Variants in PAM observed in about 807,000 individuals in gnomAD.
PAM encodes peptidylglycine alpha-amidating monooxygenase.
A neutral mutation model predicts 122.1 loss-of-function variants in PAM; 72 were observed. The ratio of observed to expected loss-of-function variants is 0.59; its 90% confidence interval spans 0.49 to 0.72. The LOEUF (loss-of-function observed/expected upper bound fraction) is 0.72. Among genes scored for constraint, PAM ranks in the 30% least tolerant of loss-of-function variants. The probability of loss-of-function intolerance (pLI) is 0.00; values close to 1 mark genes in which losing one functional copy is unlikely to be tolerated. For missense variants in PAM, 1,106 were observed against 1,183.7 expected (o/e 0.93, Z 0.96); for synonymous variants, 389 against 404.4 (o/e 0.96, Z 0.46).
chr5:102,884,800 G>A (rs1792435147), intron 3 of PAM, among the ~76,000 whole-genome samples: 3 of 151,872 alleles, frequency 2.0e-5, no homozygotes, highest in Non-Finnish European at 4.4e-5. Context: ...CGAATCTGAT[G>A]TACACATTAG....
intron 1 of PAM, among the ~76,000 whole-genome samples, chr5:102,821,975 A>G (rs960856312): frequency 2.0e-5 from 3 of 152,222 alleles, no homozygotes; most frequent in Non-Finnish European, 4.4e-5. Context: ...AGTTATACAT[A>G]CATTTAAGAA....
At chr5:102,861,384 A>G (rs1466896797) in intron 1 of PAM, among the ~76,000 whole-genome samples, 1 of 152,260 alleles carries the variant, frequency 6.6e-6, no homozygotes. Flanking sequence ...TACTCCTGCC[A>G]AAGATACATA....
At chr5:102,809,352 CA>C (rs11302898) in intron 1 of PAM, among the ~76,000 whole-genome samples, 84,464 of 126,132 alleles carry the variant, frequency 0.67, 26,085 homozygotes, top group South Asian at 0.8. Context: ...CTGTCTCTAC[CA>C]AAAAAAAAAA....
At chr5:102,860,714 T>C (rs888650578) in intron 1 of PAM, among the ~76,000 whole-genome samples, 1 of 151,658 alleles carries the variant, frequency 6.6e-6, no homozygotes, top group African/African-American at 2.4e-5. Flanking sequence ...AAATAACCGC[T>C]TCACCAAAAC....
intron 1 of PAM, among the ~76,000 whole-genome samples, chr5:102,839,171 C>G (rs1013074464): frequency 6.6e-6 from 1 of 152,134 alleles, no homozygotes; most frequent in African/African-American, 2.4e-5. Flanking sequence ...TTCATTTACT[C>G]TCTATCAAAA....
chr5:102,967,128 G>T (rs1481493570), intron 14 of PAM, among the ~76,000 whole-genome samples: 1 of 151,954 alleles, frequency 6.6e-6, no homozygotes, highest in Non-Finnish European at 1.5e-5. Flanking sequence ...TTCCATGCTG[G>T]GAGCAGGGAA....
intron 1 of PAM, among the ~76,000 whole-genome samples, chr5:102,758,068 A>ATTTTTTTTTTT (rs1751039527): frequency 1.1e-5 from 1 of 87,608 alleles, no homozygotes; most frequent in Non-Finnish European, 2.2e-5. Context: ...AAGACTTAGA[A>ATTTTTTTTTTT]TTTTGTTTTT....
chr5:102,934,022 C>G (rs1385067953), intron 7 of PAM, among the ~76,000 whole-genome samples: 1 of 152,194 alleles, frequency 6.6e-6, no homozygotes. Context: ...CAGTGAGATA[C>G]ATTAATCCTG....
intron 3 of PAM, among the ~76,000 whole-genome samples, chr5:102,875,192 T>TATG (rs754943169): frequency 8.4e-6 from 1 of 119,274 alleles, no homozygotes; most frequent in Non-Finnish European, 1.5e-5. Context: ...TTATTATCAT[T>TATG]ATTATTATTA....
chr5:102,902,504 A>G (rs943830793), intron 4 of PAM, among the ~76,000 whole-genome samples: 65 of 151,724 alleles, frequency 4.3e-4, no homozygotes, highest in African/African-American at 1.6e-3. Context: ...TTACCAAGAA[A>G]AAGTTAGGAA....
intron 4 of PAM, among the ~76,000 whole-genome samples, chr5:102,906,223 G>C (rs1333336519): frequency 2.0e-5 from 3 of 151,524 alleles, no homozygotes; most frequent in African/African-American, 7.3e-5. Context: ...AAAATTAATT[G>C]ACATGTTGAT....
At chr5:102,762,951 T>C (rs1177193463) in intron 1 of PAM, among the ~76,000 whole-genome samples, 1 of 152,136 alleles carries the variant, frequency 6.6e-6, no homozygotes, top group Non-Finnish European at 1.5e-5. Flanking sequence ...GAGAGGAAAG[T>C]TTTAATGGTT....
At chr5:102,802,721 C>T (rs1765099841) in intron 1 of PAM, among the ~76,000 whole-genome samples, 1 of 152,142 alleles carries the variant, frequency 6.6e-6, no homozygotes, top group Admixed American at 6.5e-5. Flanking sequence ...ACAGATGAAG[C>T]CTCTCAAAGA....
At chr5:102,946,004 A>G (rs1354262324) in intron 7 of PAM, among the ~76,000 whole-genome samples, 1 of 152,188 alleles carries the variant, frequency 6.6e-6, no homozygotes, top group African/African-American at 2.4e-5. Context: ...ACTGCAAATC[A>G]TCAGGGAAAT....
intron 3 of PAM, among the ~76,000 whole-genome samples, chr5:102,886,336 T>G (rs1481141349): frequency 6.6e-6 from 1 of 152,026 alleles, no homozygotes; most frequent in Admixed American, 6.6e-5. Context: ...GATATTATAA[T>G]GTACATATGA....
chr5:102,975,273 A>C (rs1273612766), intron 15 of PAM, among the ~76,000 whole-genome samples: 1 of 152,202 alleles, frequency 6.6e-6, no homozygotes, highest in Non-Finnish European at 1.5e-5. Context: ...TTGGAATGGC[A>C]CAGGCTGCCA....
chr5:102,759,926 G>A (rs1751833441), intron 1 of PAM, among the ~76,000 whole-genome samples: 1 of 152,134 alleles, frequency 6.6e-6, no homozygotes, highest in Admixed American at 6.5e-5. Context: ...GAAGCTTACC[G>A]TGGTCATAGG....
At chr5:102,921,439 A>G (rs1438038004) in intron 5 of PAM, among the ~76,000 whole-genome samples, 1 of 152,034 alleles carries the variant, frequency 6.6e-6, no homozygotes, top group Non-Finnish European at 1.5e-5. Flanking sequence ...TACCACTCTG[A>G]TATGTTATCA....
At chr5:102,869,269 A>G (rs1292852124) in intron 3 of PAM, among the ~76,000 whole-genome samples, 1 of 152,190 alleles carries the variant, frequency 6.6e-6, no homozygotes, top group African/African-American at 2.4e-5. Context: ...TTTGCTGAGA[A>G]TGTATTTTTC....
Sources: gnomAD v4.1 joint callset for allele counts (sites outside exome capture counted in the v4.1 genomes callset) on GRCh38, gnomAD v4.1.1 for gene constraint, MANE v1.5 for transcripts, NCBI Gene and HGNC (gene_info 2026-07-23, HGNC 2026-07-21) for gene names.